The following MYO1F variants were observed in gnomAD, a reference collection of about 807,000 sequenced individuals.
The protein encoded by MYO1F is myosin IF.
MYO1F carries 60 observed loss-of-function variants against 146.6 expected under a neutral mutation model. That is an observed-to-expected ratio of 0.41 (90% CI 0.33 to 0.51). The LOEUF is 0.51. Ranked by LOEUF, MYO1F falls within the 20% of genes least tolerant of loss-of-function variation. The pLI is 0.25. For missense variants in MYO1F, 1,274 were observed against 1,534.3 expected (o/e 0.83, Z 2.83); for synonymous variants, 602 against 602.1 (o/e 1.00, Z 0.00).
chr19:8,532,901 A>AAAAAAAAT (rs1172873322), intron 19 of MYO1F, among the ~76,000 whole-genome samples: 3 of 47,826 alleles, frequency 6.3e-5, no homozygotes, highest in Non-Finnish European at 1.1e-4. Flanking sequence ...AAAAAAAAAA[A>AAAAAAAAT]ATACACACAC....
In MYO1F at chr19:8,521,543, G is replaced by A. The variant is rs547516698; in HGVS notation, c.3282C>T (p.Tyr1094=). Residue 1094 remains tyrosine (Y), a synonymous_variant, in exon 28 of 28, where the codon TAC becomes TAT. Coordinates refer to ENST00000644032, the MANE Select transcript of MYO1F (RefSeq NM_012335.4). ...HGQEGLFPGN[Y]VEKI ...AGGGCCCAGCTCAGATCTTCTCCACGTAGTTTCCTGGGAAAAGGCCCTCCT... is the reference window on the plus strand; with the variant it reads ...AGGGCCCAGCTCAGATCTTCTCCACATAGTTTCCTGGGAAAAGGCCCTCCT... 7 of 1,614,164 alleles carry A rather than the reference G, an allele frequency of 4.3e-6. No individual in the cohort carries two copies. Among genetic ancestry groups the A allele is most frequent in the African/African-American group, 1.3e-5 (1 of 75,070 alleles).
chr19:8,564,981 C>CA (rs145741456), intron 1 of MYO1F, among the ~76,000 whole-genome samples: 3,854 of 152,074 alleles, frequency 0.025, 176 homozygotes, highest in African/African-American at 0.088. Context: ...CCACGTTGGA[C>CA]ACGCTCATCT....
intron 6 of MYO1F, 71 bp from the exon 7 acceptor site, chr19:8,552,235 T>C: frequency 1.3e-6 from 2 of 1,526,954 alleles, no homozygotes; most frequent in East Asian, 2.3e-5. Context: ...TGGGGATGGG[T>C]CTTATGAGCC....
chr19:8,543,654 CTGGTGGTGG>C (rs1266851158), intron 14 of MYO1F, among the ~76,000 whole-genome samples: 6 of 87,530 alleles, frequency 6.9e-5, no homozygotes, highest in Admixed American at 1.3e-4. Flanking sequence ...GGTGGTGGTG[CTGGTGGTGG>C]TGGTGGTGGT....
chr19:8,577,199 C>T lies in MYO1F; in HGVS notation c.3+108G>A, dbSNP rs2042253517. On this transcript the variant is annotated intron_variant, in intron 1 of 27. Transcript: ENST00000644032. This position sits in a 1 kb window ranked among gnomAD's most constrained non-coding sequence, Gnocchi z 4.3. Reference sequence around the variant, plus strand: ...GACACCCCACCCCCACAGAAGTCCACCATGCCCCTCCCCTCACCCCAATTT... The same window carrying T: ...GACACCCCACCCCCACAGAAGTCCATCATGCCCCTCCCCTCACCCCAATTT... 7.3e-7 allele frequency: 1 copy of T among 1,362,160 alleles called. No individual in the cohort carries two copies. Among genetic ancestry groups the T allele is most frequent in the South Asian group, 1.2e-5 (1 of 80,470 alleles). 84.4% of individuals were successfully genotyped at this position (1,362,160 alleles called of 1,614,324 possible).
intron 1 of MYO1F, among the ~76,000 whole-genome samples, chr19:8,560,733 G>A (rs1457149444): frequency 8.2e-6 from 1 of 122,126 alleles, no homozygotes; most frequent in Non-Finnish European, 1.6e-5. Flanking sequence ...ATGCCACCAC[G>A]CCTGGCTAAT....
Position 8,550,353 on chromosome 19 carries a change from A to G in MYO1F, c.908T>C (p.Leu303Pro). Residue 303 changes from leucine (L) to proline (P), a missense_variant, in exon 10 of 28, where the codon CTG becomes CCG. Leu to Pro is a moderately conservative substitution (Grantham distance 98). Coordinates refer to ENST00000644032, the MANE Select transcript of MYO1F (RefSeq NM_012335.4). Reference sequence around the variant, plus strand: ...GCCCAGCAGGTAGGCGGGAAAGGCCAGGACTACCAGGGCAAAGGTCAGGGC... The same window carrying G: ...GCCCAGCAGGTAGGCGGGAAAGGCCGGGACTACCAGGGCAAAGGTCAGGGC... ...NYARVESVDL[L>P]AFPAYLLGID... The G allele has an allele frequency of 6.2e-7, 1 of 1,610,840 alleles. No homozygotes were observed. The highest frequency in any genetic ancestry group is 8.5e-7 in the Non-Finnish European group (1 of 1,178,608).
rs1241878158 is a variant in MYO1F at position 8,525,471 on chromosome 19, C to T, written c.2854+8G>A. ...CAAGGGAATATAGCAAGGGACGCAG[C>T]TCCTCACCTCTGGGGGGCGCAGGGG... On this transcript the variant is annotated splice_region_variant and intron_variant, in intron 25 of 27. Coordinates refer to ENST00000644032, the MANE Select transcript of MYO1F (RefSeq NM_012335.4). 9.3e-6 allele frequency: 15 copies of T among 1,612,248 alleles called. No individual in the cohort carries two copies. The highest frequency in any genetic ancestry group is 1.3e-5 in the Non-Finnish European group (15 of 1,179,242).
rs1348720394 is a variant in MYO1F, at chr19:8,574,573, TTCTTTCTCTCTCTCTCTCTCTC to T, written c.3+2712_3+2733del. ...TTTCTTTCTTTCTTTCTTTCTTTCT[TTCTTTCTCTCTCTCTCTCTCTC>T]TCTTTCTTTCTTTCTTTCTTTCTTT... On this transcript the variant is annotated intron_variant, in intron 1 of 27. Coordinates refer to ENST00000644032, the MANE Select transcript of MYO1F (RefSeq NM_012335.4). Among the ~76,000 whole-genome samples the T allele has an allele frequency of 9.0e-3, 806 of 89,820 alleles. 3 individuals carry two copies. The highest frequency in any genetic ancestry group is 0.011 in the Non-Finnish European group (488 of 44,216). 58.9% of individuals were successfully genotyped at this position (89,820 alleles called of 152,430 possible).
intron 12 of MYO1F, among the ~76,000 whole-genome samples, chr19:8,547,149 A>G (rs1379795266): frequency 6.6e-6 from 1 of 151,932 alleles, no homozygotes; most frequent in African/African-American, 2.4e-5. Context: ...AAGTTTTAAA[A>G]TATTAGCCAG....
intron 23 of MYO1F, 36 bp from the exon 24 acceptor site, chr19:8,526,637 G>A (rs1453566034): frequency 6.4e-7 from 1 of 1,565,830 alleles, no homozygotes; most frequent in African/African-American, 1.3e-5. Flanking sequence ...GGCGCTGGCT[G>A]AGGTCCCCCG....
intron 1 of MYO1F, among the ~76,000 whole-genome samples, chr19:8,561,777 C>T (rs1011902554): frequency 4.0e-5 from 6 of 150,008 alleles, no homozygotes; most frequent in African/African-American, 7.4e-5. Flanking sequence ...AGTGTAGTGG[C>T]GCGATCTTGG....
At chr19:8,566,388 C>T (rs930565608) in intron 1 of MYO1F, among the ~76,000 whole-genome samples, 5 of 151,618 alleles carry the variant, frequency 3.3e-5, no homozygotes, top group South Asian at 2.1e-4. Context: ...AGGATGGTCT[C>T]GAGCTCCTGA....
intron 10 of MYO1F, chr19:8,549,375 A>T (rs984669387): frequency 6.6e-6 from 1 of 150,706 alleles, no homozygotes; most frequent in Admixed American, 6.6e-5. Context: ...GGGGTCAGGG[A>T]TTCTTCCACC....
chr19:8,543,672 G>C (rs1170616936), intron 14 of MYO1F, among the ~76,000 whole-genome samples: 14 of 61,816 alleles, frequency 2.3e-4, no homozygotes, highest in African/African-American at 8.0e-4. Flanking sequence ...GGTGGTGGTG[G>C]TGCTGGTGGT....
chr19:8,525,297 AGGGCT>A, intron 25 of MYO1F, 177 bp downstream of exon 25: 2 of 543,410 alleles, frequency 3.7e-6, no homozygotes, highest in Non-Finnish European at 6.6e-6. Flanking sequence ...TGGGTTTTGA[AGGGCT>A]CTGAATGCCA....
intron 1 of MYO1F, among the ~76,000 whole-genome samples, chr19:8,566,996 G>T (rs2042016385): frequency 6.6e-6 from 1 of 151,262 alleles, no homozygotes; most frequent in Non-Finnish European, 1.5e-5. Flanking sequence ...CTTTTTATGT[G>T]AATTACTTCA....
intron 16 of MYO1F, among the ~76,000 whole-genome samples, chr19:8,537,782 T>C (rs1368871824): frequency 2.0e-5 from 3 of 151,888 alleles, no homozygotes; most frequent in African/African-American, 7.3e-5. Context: ...CAGGCTGGGG[T>C]ATAGTGGCGC....
rs1319513454 is a variant in MYO1F, at chr19:8,550,205, G to A, written c.1056C>T (p.Ala352=). Residue 352 remains alanine (A), a synonymous_variant, in exon 10 of 28, where the codon GCC becomes GCT. Transcript: ENST00000644032. ...NVEQAAYTRD[A]LAKGLYARLF... is the part of the protein sequence containing the mutation. ...GGCGGGCATAGAGCCCCTTGGCCAG[G>A]GCATCACGGGTGTAGGCTGCCTGCT... 1 of 1,614,036 alleles carries A rather than the reference G, an allele frequency of 6.2e-7. No homozygotes were observed. The highest frequency in any genetic ancestry group is 1.3e-5 in the African/African-American group (1 of 74,942).
Sources: allele counts gnomAD v4.1 joint callset (sites outside exome capture counted in the v4.1 genomes callset), GRCh38; gene constraint gnomAD v4.1.1; non-coding constraint Gnocchi (gnomAD v3.1); transcripts MANE v1.5; gene names NCBI Gene and HGNC (gene_info 2026-07-23, HGNC 2026-07-21).